The following SEMA3D variants were observed in gnomAD, a reference collection of about 807,000 sequenced individuals.
The protein encoded by SEMA3D is semaphorin-3D.
A neutral mutation model predicts 100.1 loss-of-function variants in SEMA3D; 84 were observed. The ratio of observed to expected loss-of-function variants is 0.84; its 90% CI spans 0.70 to 1.01. The LOEUF is 1.01. Ranked by LOEUF, SEMA3D falls within the 50% of genes least tolerant of loss-of-function variation. SEMA3D has a pLI of 0.00. For missense variants in SEMA3D, 875 were observed against 934.1 expected (o/e 0.94, Z 0.82); for synonymous variants, 312 against 320.7 (o/e 0.97, Z 0.29).
rs757077320 is a variant in SEMA3D, at chr7:84,997,353, G to A, written c.*2087C>T. 1 of 151,842 alleles carries A rather than the reference G, an allele frequency of 6.6e-6. No individual in the cohort carries two copies. The highest frequency in any genetic ancestry group is 2.1e-4 in the South Asian group (1 of 4,820). 9.4% of individuals were successfully genotyped at this position (151,842 alleles called of 1,614,324 possible). On this transcript the variant is annotated 3_prime_UTR_variant, in exon 19 of 19. Transcript: ENST00000284136. ...GTTCCCACTTAATTGCTTTGAGCTC[G>A]CTATGAGTTCCTGGAATATTTTGTC...
the SEMA3D span, among the ~76,000 whole-genome samples, chr7:85,221,229 A>T: frequency 3.9e-5 from 6 of 152,106 alleles, no homozygotes; most frequent in African/African-American, 1.4e-4. Context: ...AGGAAAATAT[A>T]AGTAAAAAGC....
intron 3 of SEMA3D, among the ~76,000 whole-genome samples, chr7:85,110,808 C>T (rs955871144): frequency 4.6e-5 from 7 of 151,956 alleles, no homozygotes; most frequent in Non-Finnish European, 8.8e-5. Flanking sequence ...CCAGCTAATG[C>T]CTATATCACA....
intron 2 of SEMA3D, among the ~76,000 whole-genome samples, chr7:85,128,669 T>C (rs996247895): frequency 2.6e-5 from 4 of 151,842 alleles, no homozygotes; most frequent in African/African-American, 7.2e-5. Context: ...CCAGAATTTA[T>C]AATCTATATC....
rs373549628 is a variant in SEMA3D, at chr7:85,081,481, G to C, written c.375+36C>G. 4.9e-5 allele frequency: 69 copies of C among 1,394,012 alleles called. 1 individual carries two copies. In the African/African-American group the frequency reaches 9.2e-4, roughly 19 times the overall value. The allele number at this position is 1,394,012 out of a possible 1,614,324, so 86.4% of individuals were successfully genotyped here. On this transcript the variant is annotated intron_variant, in intron 5 of 18. Transcript: ENST00000284136. ...AATATTTGCTATCATATCAGTAGAA[G>C]TTTTACAAAGATAATTGTTACAGTT...
the SEMA3D span, among the ~76,000 whole-genome samples, chr7:85,246,447 T>G: frequency 3.9e-5 from 6 of 152,028 alleles, no homozygotes; most frequent in Non-Finnish European, 8.8e-5. Context: ...TGTGAATCAT[T>G]TCCTTCAACT....
At chr7:85,048,013 T>A (rs1436110433) in intron 9 of SEMA3D, among the ~76,000 whole-genome samples, 1 of 151,754 alleles carries the variant, frequency 6.6e-6, no homozygotes, top group African/African-American at 2.4e-5. Context: ...CTACTCACCT[T>A]CTTTTGAAGT....
rs141825111 is a variant in SEMA3D at position 85,164,607 on chromosome 7, C to T, written c.-172-10868G>A. ...GACAAGCCAATTACTTCATCTGGTG[C>T]TGAAGTGAAGAAAGTGACTTGACAC... On this transcript the variant is annotated intron_variant, in intron 1 of 18. Transcript: ENST00000284136. Among the ~76,000 whole-genome samples, 357 of 152,190 alleles carry T rather than the reference C, an allele frequency of 2.3e-3. 3 individuals carry two copies. Among genetic ancestry groups the T allele is most frequent in the African/African-American group, 8.4e-3 (350 of 41,538 alleles).
chr7:85,224,586 T>TTTA, the SEMA3D span, among the ~76,000 whole-genome samples: 1 of 152,198 alleles, frequency 6.6e-6, no homozygotes, highest in African/African-American at 2.4e-5. Context: ...TAGATGAATG[T>TTTA]GCATATTTTA....
intron 2 of SEMA3D, among the ~76,000 whole-genome samples, chr7:85,148,934 T>C (rs1466910148): frequency 6.6e-6 from 1 of 151,104 alleles, no homozygotes; most frequent in East Asian, 1.9e-4. Context: ...GCTTTTAACT[T>C]AGTTAAATTT....
chr7:85,125,048 G>A (rs1789526595), intron 2 of SEMA3D, among the ~76,000 whole-genome samples: 2 of 152,012 alleles, frequency 1.3e-5, no homozygotes, highest in Non-Finnish European at 2.9e-5. Flanking sequence ...ATACAAACAT[G>A]TATTCTCCCT....
chr7:85,175,856 AT>A (rs1036507420), intron 1 of SEMA3D, among the ~76,000 whole-genome samples: 1 of 152,026 alleles, frequency 6.6e-6, no homozygotes, highest in Admixed American at 6.6e-5. Context: ...AAAACAATGA[AT>A]TTTTAATTTT....
upstream of SEMA3D, among the ~76,000 whole-genome samples, chr7:85,188,845 T>C (rs1323401818): frequency 1.3e-5 from 2 of 152,244 alleles, no homozygotes; most frequent in African/African-American, 4.8e-5. Flanking sequence ...CCCTCCTGTT[T>C]TCCCAAAGCA....
intron 15 of SEMA3D, 91 bp downstream of exon 15, chr7:85,018,161 C>T (rs7780132): frequency 0.54 from 432,951 of 794,442 alleles, 120,812 homozygotes; most frequent in African/African-American, 0.7. Context: ...AAATTTAACT[C>T]CCAATTTCAA....
At chr7:85,007,682 G>A (rs532357661) in intron 17 of SEMA3D, among the ~76,000 whole-genome samples, 55 of 151,832 alleles carry the variant, frequency 3.6e-4, no homozygotes, top group African/African-American at 1.3e-3. Flanking sequence ...TGTCCCTTGT[G>A]TGATCTAAGA....
chr7:85,041,919 G>T, intron 10 of SEMA3D: 1 of 448,758 alleles, frequency 2.2e-6, no homozygotes, highest in Non-Finnish European at 4.0e-6. Context: ...ACACCTTTCT[G>T]TGTCTTGCTG....
chr7:85,139,299 A>G (rs1165334425), intron 2 of SEMA3D, among the ~76,000 whole-genome samples: 1 of 152,106 alleles, frequency 6.6e-6, no homozygotes, highest in African/African-American at 2.4e-5. Flanking sequence ...ACTGGGTTAA[A>G]TGTTACTAAT....
chr7:85,243,415 C>T, the SEMA3D span, among the ~76,000 whole-genome samples: 3 of 152,174 alleles, frequency 2.0e-5, no homozygotes, highest in East Asian at 1.9e-4. Context: ...TTGTCGATTC[C>T]GGTACTGGTT....
rs970912348 is a variant in SEMA3D at position 85,074,134 on chromosome 7, G to A, written c.376-1053C>T. Among the ~76,000 whole-genome samples, 6 of 152,228 alleles carry A rather than the reference G, an allele frequency of 3.9e-5. No individual in the cohort carries two copies. The East Asian group carries it at 1.2e-3, about 29-fold the overall frequency. On this transcript the variant is annotated intron_variant, in intron 5 of 18. Coordinates refer to ENST00000284136, the MANE Select transcript of SEMA3D (RefSeq NM_001384900.1). ...TGACACCTAAGTAAACACTGGGCTG[G>A]AGCAGACTTTTATTCTAGGTTGGCT...
At chr7:85,092,315 A>G (rs1196255974) in intron 4 of SEMA3D, among the ~76,000 whole-genome samples, 2 of 152,024 alleles carry the variant, frequency 1.3e-5, no homozygotes, top group African/African-American at 4.8e-5. Flanking sequence ...GATTAGAGCA[A>G]TGACAAGATC....
Sources: gnomAD v4.1 joint callset for allele counts (sites outside exome capture counted in the v4.1 genomes callset) on GRCh38, gnomAD v4.1.1 for gene constraint, MANE v1.5 for transcripts, NCBI Gene and HGNC (gene_info 2026-07-23, HGNC 2026-07-21) for gene names.